The following OR4C11 variants were observed in gnomAD, a reference collection of about 807,000 sequenced individuals.
OR4C11 encodes olfactory receptor 4C11.
Under a neutral mutation model 14.7 loss-of-function variants are expected in OR4C11, and 15 were observed. That is an observed-to-expected ratio of 1.02 (90% CI 0.68 to 1.58). The LOEUF (loss-of-function observed/expected upper bound fraction) is 1.58. Among genes scored for constraint, OR4C11 ranks in the 40% most tolerant of loss-of-function variants. The pLI, the probability that OR4C11 is intolerant of heterozygous loss-of-function variation, is 0.00. For missense variants in OR4C11, 473 were observed against 383.0 expected (o/e 1.24, Z -1.96); for synonymous variants, 146 against 135.0 (o/e 1.08, Z -0.57).
rs1481336047 is a variant in OR4C11 at position 55,605,745 on chromosome 11, TCTC to T, written c.-206-461_-206-459del. ...AATAACCCATCTTAAAAGAGACTGT[TCTC>T]CTTATTATAAAGATTATGCCTCTGG... On this transcript the variant is annotated intron_variant, in intron 2 of 3. Transcript: ENST00000641580. Among the ~76,000 whole-genome samples the T allele has an allele frequency of 3.6e-5, 5 of 138,702 alleles. 2 individuals are homozygous for T. The East Asian group carries it at 1.2e-3, about 33-fold the overall frequency. The allele number at this position is 138,702 out of a possible 152,430, so 91.0% of individuals were successfully genotyped here. A position where few individuals can be genotyped will look rare whatever the true frequency, so the allele number is the denominator to read the frequency against.
chr11:55,603,599 G>A lies in OR4C11; in HGVS notation c.775C>T (p.Pro259Ser), dbSNP rs371321318. The A allele has an allele frequency of 3.4e-6, 5 of 1,483,980 alleles. 1 individual carries two copies. The highest frequency in any genetic ancestry group is 2.8e-6 in the Non-Finnish European group (3 of 1,090,110). The allele number at this position is 1,483,980 out of a possible 1,614,324, so 91.9% of individuals were successfully genotyped here. A position where few individuals can be genotyped will look rare whatever the true frequency, so the allele number is the denominator to read the frequency against. ...TTGTCCATGGGGAAAGTGGTCGGGG[G>A]GCGTGTATATATGAATATACATGGG... ...FGPCIFIYTRPPTTFPMDKMV... is the reference protein window; with the variant it reads ...FGPCIFIYTRSPTTFPMDKMV... The change falls in exon 4 of 4, where the codon CCC (proline) becomes TCC (serine). Residue 259 changes from proline (P) to serine (S), a missense_variant. Physicochemically the swap from Pro to Ser is moderately conservative, Grantham distance 74. Coordinates refer to ENST00000641580, the MANE Select transcript of OR4C11 (RefSeq NM_001004700.3).
At position 55,603,678 on chromosome 11, in the gene OR4C11, T is replaced by C. The variant is rs763499991; in HGVS notation, c.696A>G (p.Lys232=). The change falls in exon 4 of 4, where the codon AAA becomes AAG. Residue 232 remains lysine (K), a synonymous_variant. Transcript: ENST00000641580. ...SLRNHSAKGK[K]KALSACTSHI... is the part of the protein sequence containing the mutation. ...GAGACGTGCAAGCGGAGAGAGCCTT[T>C]TTCTTCCCTTTGGCACTGTGGTTTC... is the stretch of plus-strand genomic sequence containing the variant. 6.7e-7 allele frequency: 1 copy of C among 1,482,470 alleles called. No homozygotes were observed. The highest frequency in any genetic ancestry group is 1.2e-5 in the South Asian group (1 of 84,650). The allele number at this position is 1,482,470 out of a possible 1,614,324, so 91.8% of individuals were successfully genotyped here. A position where few individuals can be genotyped will look rare whatever the true frequency, so the allele number is the denominator to read the frequency against.
At position 55,603,763 on chromosome 11, in the gene OR4C11, A is replaced by G; in HGVS notation, c.611T>C (p.Ile204Thr). Reference sequence around the variant, plus strand: ...CAAAATCATGAAACTACTTGAGCAAATTGCCCCACTGTTAGACACCAACAG... The same window carrying G: ...CAAAATCATGAAACTACTTGAGCAAGTTGCCCCACTGTTAGACACCAACAG... Reference protein sequence around the residue: ...NLLLVSNSGAICSSSFMILII... With the variant: ...NLLLVSNSGATCSSSFMILII... The change falls in exon 4 of 4, where the codon ATT becomes ACT. Residue 204 changes from isoleucine (I) to threonine (T), a missense_variant. By Grantham distance (89) the Ile-to-Thr change is moderately conservative (BLOSUM62 -1). Coordinates refer to ENST00000641580, the MANE Select transcript of OR4C11 (RefSeq NM_001004700.3). The G allele has an allele frequency of 6.7e-7, 1 of 1,490,292 alleles. No homozygotes were observed. Among genetic ancestry groups the G allele is most frequent in the Non-Finnish European group, 9.1e-7 (1 of 1,095,494 alleles). The allele number at this position is 1,490,292 out of a possible 1,614,324, so 92.3% of individuals were successfully genotyped here. A position where few individuals can be genotyped will look rare whatever the true frequency, so the allele number is the denominator to read the frequency against.
rs777654692 is a variant in OR4C11 at position 55,604,159 on chromosome 11, G to A, written c.215C>T (p.Ser72Leu). ...FYLSFADSCF[S>L]TSTAPRLIVD... is the part of the protein sequence containing the mutation. ...AATTAATCTAGGGGCTGTGGAAGTT[G>A]AAAAGCAAGAATCTGCAAAGGACAA... The change falls in exon 4 of 4, where the codon TCA becomes TTA. Residue 72 changes from serine to leucine, a missense_variant. Ser to Leu is a moderately radical substitution (Grantham distance 145). Coordinates refer to ENST00000641580, the MANE Select transcript of OR4C11 (RefSeq NM_001004700.3). 19 of 1,468,840 alleles carry A rather than the reference G, an allele frequency of 1.3e-5. 3 individuals are homozygous for A. The highest frequency in any genetic ancestry group is 1.1e-4 in the South Asian group (9 of 83,354). 91.0% of individuals were successfully genotyped at this position (1,468,840 alleles called of 1,614,324 possible).
rs1297260949 is a variant in OR4C11 at position 55,606,378 on chromosome 11, A to T, written c.-207+144T>A. The T allele has an allele frequency of 2.2e-5, 3 of 138,634 alleles. 1 individual carries two copies. The highest frequency in any genetic ancestry group is 4.8e-5 in the Non-Finnish European group (3 of 62,238). The allele number at this position is 138,634 out of a possible 1,614,324, so 8.6% of individuals were successfully genotyped here. On this transcript the variant is annotated intron_variant, in intron 2 of 3. Coordinates refer to ENST00000641580, the MANE Select transcript of OR4C11 (RefSeq NM_001004700.3). ...GAATTATAGTAGAAGAGTATGAAAAAACTATAATGACTCTGAGCGGGGAAA... is the reference window on the plus strand; with the variant it reads ...GAATTATAGTAGAAGAGTATGAAAATACTATAATGACTCTGAGCGGGGAAA...
Position 55,602,740 on chromosome 11 carries a change from T to C in OR4C11, c.*701A>G, listed in dbSNP as rs1303166570. The C allele has an allele frequency of 1.4e-5, 2 of 138,840 alleles. No individual in the cohort carries two copies. Among genetic ancestry groups the C allele is most frequent in the African/African-American group, 5.0e-5 (2 of 39,994 alleles). The allele number at this position is 138,840 out of a possible 1,614,324, so 8.6% of individuals were successfully genotyped here. A position where few individuals can be genotyped will look rare whatever the true frequency, so the allele number is the denominator to read the frequency against. ...TTCTGCACTTCAGGCTCAGGAAATA[T>C]GTTGTATCTCCAGTATATTAGCCTC... On this transcript the variant is annotated 3_prime_UTR_variant, in exon 4 of 4. Coordinates refer to ENST00000641580, the MANE Select transcript of OR4C11 (RefSeq NM_001004700.3).
rs1195793278 is a variant in OR4C11, at chr11:55,602,455, C to A, written c.*986G>T. 2.9e-5 allele frequency: 4 copies of A among 137,888 alleles called. 1 individual carries two copies. The East Asian group carries it at 9.6e-4, about 33-fold the overall frequency. The allele number at this position is 137,888 out of a possible 1,614,324, so 8.5% of individuals were successfully genotyped here. On this transcript the variant is annotated 3_prime_UTR_variant, in exon 4 of 4. Coordinates refer to ENST00000641580, the MANE Select transcript of OR4C11 (RefSeq NM_001004700.3). ...GAATATCTAAAGTGCCGCTTTTTATCTGCTGTCCTCACTCTGGGCATGAAA... is the reference window on the plus strand; with the variant it reads ...GAATATCTAAAGTGCCGCTTTTTATATGCTGTCCTCACTCTGGGCATGAAA...
Position 55,603,301 on chromosome 11 carries a change from C to T in OR4C11, c.*140G>A, listed in dbSNP as rs143722779. On this transcript the variant is annotated 3_prime_UTR_variant, in exon 4 of 4. Transcript: ENST00000641580. ...TCTTGGTAGTCACAACTCCTGTTAACTAGAAAACATAGGAACCCACAAACT... is the reference window on the plus strand; with the variant it reads ...TCTTGGTAGTCACAACTCCTGTTAATTAGAAAACATAGGAACCCACAAACT... 119 of 499,112 alleles carry T rather than the reference C, an allele frequency of 2.4e-4. 19 individuals carry two copies. The highest frequency in any genetic ancestry group is 1.8e-3 in the African/African-American group (92 of 51,436). 30.9% of individuals were successfully genotyped at this position (499,112 alleles called of 1,614,324 possible). A position where few individuals can be genotyped will look rare whatever the true frequency, so the allele number is the denominator to read the frequency against.
Position 55,604,112 on chromosome 11 carries a change from T to C in OR4C11, c.262A>G (p.Lys88Glu). The stretch of plus-strand genomic sequence containing the variant: ...ATGCACTCATTGTAGGTTATAATTT[T>C]CTTTTCAGAGAGAGCATCCACAATT... ...RLIVDALSEK[K>E]IITYNECMTQ... The change falls in exon 4 of 4, where the codon AAA (lysine) becomes GAA (glutamate). Residue 88 changes from lysine (K) to glutamate (E), a missense_variant. Transcript: ENST00000641580. The C allele has an allele frequency of 2.0e-6, 3 of 1,482,630 alleles. 1 individual carries two copies. Among genetic ancestry groups the C allele is most frequent in the Non-Finnish European group, 2.8e-6 (3 of 1,090,038 alleles). 91.8% of individuals were successfully genotyped at this position (1,482,630 alleles called of 1,614,324 possible).
At chr11:55,605,545 A>G (rs1424088060) in intron 2 of OR4C11, among the ~76,000 whole-genome samples, 1 of 138,628 alleles carries the variant, frequency 7.2e-6, no homozygotes, top group Admixed American at 7.9e-5. Flanking sequence ...ATTTTTCCAT[A>G]TACTTTTTCA....
At chr11:55,606,047 A>G (rs1201884595) in intron 2 of OR4C11, among the ~76,000 whole-genome samples, 1 of 138,230 alleles carries the variant, frequency 7.2e-6, no homozygotes, top group East Asian at 2.4e-4. Context: ...TCATTCACAG[A>G]AACAAGGACA....
rs1165403427 is a variant in OR4C11, at chr11:55,607,081, G to A, written c.-365+206C>T. Among the ~76,000 whole-genome samples, 2 of 138,342 alleles carry A rather than the reference G, an allele frequency of 1.4e-5. 1 individual carries two copies. The highest frequency in any genetic ancestry group is 3.2e-5 in the Non-Finnish European group (2 of 62,148). The allele number at this position is 138,342 out of a possible 152,430, so 90.8% of individuals were successfully genotyped here. ...ACTATTTTATATTTAGCTGCATTAA[G>A]GAGAAGGAAGCCAGCATCCTACCGT... is the stretch of plus-strand genomic sequence containing the variant. On this transcript the variant is annotated intron_variant, in intron 1 of 3. Coordinates refer to ENST00000641580, the MANE Select transcript of OR4C11 (RefSeq NM_001004700.3).
chr11:55,604,320 A>G lies in OR4C11; in HGVS notation c.54T>C (p.Asp18=). The change falls in exon 4 of 4, where the codon GAT becomes GAC. Residue 18 remains aspartate (D), a synonymous_variant. Transcript: ENST00000641580. ...CAAACACTATTTTCTGCCTCAAGGG[A>G]TCCTGTGTTAATCCTAACAGTATGA... ...PEFILLGLTQ[D]PLRQKIVFVI... 2.8e-6 allele frequency: 4 copies of G among 1,422,808 alleles called. 1 individual carries two copies. In the African/African-American group the frequency reaches 4.2e-5, roughly 15 times the overall value. 88.1% of individuals were successfully genotyped at this position (1,422,808 alleles called of 1,614,324 possible).
At position 55,603,948 on chromosome 11, in the gene OR4C11, C is replaced by G; in HGVS notation, c.426G>C (p.Leu142=). 1 of 1,489,426 alleles carries G rather than the reference C, an allele frequency of 6.7e-7. No individual in the cohort carries two copies. The highest frequency in any genetic ancestry group is 9.1e-7 in the Non-Finnish European group (1 of 1,095,784). The allele number at this position is 1,489,426 out of a possible 1,614,324, so 92.3% of individuals were successfully genotyped here. A position where few individuals can be genotyped will look rare whatever the true frequency, so the allele number is the denominator to read the frequency against. The part of the protein sequence containing the change: ...TIMSQQVCII[L]IVLAWIGSLI... The stretch of plus-strand genomic sequence containing the variant: ...AAGACCCTATCCAGGCAAGAACAAT[C>G]AGGATGATGCAGACCTGCTGGCTCA... Residue 142 remains leucine, a synonymous_variant, in exon 4 of 4, where the codon CTG becomes CTC. Transcript: ENST00000641580.
Position 55,603,412 on chromosome 11 carries a change from T to A in OR4C11, c.*29A>T, listed in dbSNP as rs778282726. 1 of 1,105,150 alleles carries A rather than the reference T, an allele frequency of 9.0e-7. No individual in the cohort carries two copies. The highest frequency in any genetic ancestry group is 2.8e-5 in the East Asian group (1 of 36,194). 68.5% of individuals were successfully genotyped at this position (1,105,150 alleles called of 1,614,324 possible). ...TTACTCTGTTAAATCATGATTTGAC[T>A]GAAAAAGTAATCAGGTCAGGCCCTC... On this transcript the variant is annotated 3_prime_UTR_variant, in exon 4 of 4. Transcript: ENST00000641580.
In OR4C11 at chr11:55,603,261, G is replaced by A. The variant is rs1857906643; in HGVS notation, c.*180C>T. 1 of 455,686 alleles carries A rather than the reference G, an allele frequency of 2.2e-6. No homozygotes were observed. Among genetic ancestry groups the A allele is most frequent in the South Asian group, 3.2e-5 (1 of 30,998 alleles). The allele number at this position is 455,686 out of a possible 1,614,324, so 28.2% of individuals were successfully genotyped here. A position where few individuals can be genotyped will look rare whatever the true frequency, so the allele number is the denominator to read the frequency against. ...TTAATCTATATTCTACCTAGTTCTGGCACAAAAGACAATGTCTTGGTAGTC... is the reference window on the plus strand; with the variant it reads ...TTAATCTATATTCTACCTAGTTCTGACACAAAAGACAATGTCTTGGTAGTC... On this transcript the variant is annotated 3_prime_UTR_variant, in exon 4 of 4. Transcript: ENST00000641580.
In OR4C11 at chr11:55,606,536, T is replaced by A. The variant is rs1857965397; in HGVS notation, c.-221A>T. 7.2e-6 allele frequency: 1 copy of A among 138,494 alleles called. No homozygotes were observed. Among genetic ancestry groups the A allele is most frequent in the South Asian group, 2.4e-4 (1 of 4,230 alleles). 8.6% of individuals were successfully genotyped at this position (138,494 alleles called of 1,614,324 possible). On this transcript the variant is annotated 5_prime_UTR_variant, in exon 2 of 4. Coordinates refer to ENST00000641580, the MANE Select transcript of OR4C11 (RefSeq NM_001004700.3). ...AAAAGCTTTACCTTGGGAGATGGGT[T>A]GTTATTCACCTTGTGATGGCATATC...
At position 55,602,419 on chromosome 11, in the gene OR4C11, G is replaced by A. The variant is rs1212615589; in HGVS notation, c.*1022C>T. ...ACACTGAAACAGATGAATATTAAAA[G>A]TCCATAATATGAATATCTAAAGTGC... On this transcript the variant is annotated 3_prime_UTR_variant, in exon 4 of 4. Coordinates refer to ENST00000641580, the MANE Select transcript of OR4C11 (RefSeq NM_001004700.3). The A allele has an allele frequency of 7.2e-6, 1 of 138,244 alleles. No individual in the cohort carries two copies. The allele number at this position is 138,244 out of a possible 1,614,324, so 8.6% of individuals were successfully genotyped here. A position where few individuals can be genotyped will look rare whatever the true frequency, so the allele number is the denominator to read the frequency against.
rs201608278 is a variant in OR4C11 at position 55,604,205 on chromosome 11, T to C, written c.169A>G (p.Met57Val). The C allele has an allele frequency of 8.5e-5, 126 of 1,482,408 alleles. 28 individuals carry two copies. The highest frequency in any genetic ancestry group is 1.1e-4 in the Non-Finnish European group (122 of 1,089,202). 91.8% of individuals were successfully genotyped at this position (1,482,408 alleles called of 1,614,324 possible). The change falls in exon 4 of 4, where the codon ATG (methionine) becomes GTG (valine). Residue 57 changes from methionine (M) to valine (V), a missense_variant. By Grantham distance (21) the Met-to-Val change is conservative. Coordinates refer to ENST00000641580, the MANE Select transcript of OR4C11 (RefSeq NM_001004700.3). ...IKSSRTLGSP[M>V]YFFLFYLSFA... ...GACAAATAAAATAGAAAGAAGTACATGGGGCTTCCTAGTGTCCGGCTGGAC... is the reference window on the plus strand; with the variant it reads ...GACAAATAAAATAGAAAGAAGTACACGGGGCTTCCTAGTGTCCGGCTGGAC...
Sources: gnomAD v4.1 joint callset for allele counts (sites outside exome capture counted in the v4.1 genomes callset) on GRCh38, gnomAD v4.1.1 for gene constraint, MANE v1.5 for transcripts, NCBI Gene and HGNC (gene_info 2026-07-23, HGNC 2026-07-21) for gene names.